SESTD1: variants seen among roughly 807,000 people sequenced by gnomAD.
SESTD1 encodes the protein SEC14 and spectrin domain containing 1.
In SESTD1, 43 loss-of-function variants were observed where a neutral mutation model predicts 101.7. That is an observed-to-expected ratio of 0.42 (90% CI 0.33 to 0.55). The LOEUF is 0.55. SESTD1 is among the 20% of genes least tolerant of loss of function. The pLI is 0.07. For synonymous variants in SESTD1, 283 were observed against 286.8 expected (o/e 0.99, Z 0.13); for missense variants, 647 against 815.1 (o/e 0.79, Z 2.51).
intron 1 of SESTD1, among the ~76,000 whole-genome samples, chr2:179,198,168 T>G (rs867048615): frequency 2.0e-5 from 3 of 152,120 alleles, no homozygotes; most frequent in Admixed American, 2.0e-4. Context: ...TCCTAGTCTC[T>G]GACAAAACAG....
At chr2:179,149,508 A>G in intron 6 of SESTD1, 114 bp from the exon 7 acceptor site, 1 of 652,680 alleles carries the variant, frequency 1.5e-6, no homozygotes, top group East Asian at 3.3e-5. Context: ...TTCCTTCCCC[A>G]GCAGTTCGTG....
At chr2:179,165,179 G>A (rs972644015) in intron 5 of SESTD1, among the ~76,000 whole-genome samples, 1 of 152,154 alleles carries the variant, frequency 6.6e-6, no homozygotes, top group Non-Finnish European at 1.5e-5. Context: ...CTTTTAATAA[G>A]TGCCTAGCGC....
At chr2:179,232,246 C>CA (rs11453861) in intron 1 of SESTD1, among the ~76,000 whole-genome samples, 66,958 of 151,380 alleles carry the variant, frequency 0.44, 17,386 homozygotes, top group African/African-American at 0.73. Context: ...ATACATTTTC[C>CA]AAAAAAAGAT....
chr2:179,119,282 G>A (rs1033373668), intron 13 of SESTD1, among the ~76,000 whole-genome samples: 12 of 152,172 alleles, frequency 7.9e-5, no homozygotes, highest in African/African-American at 2.9e-4. Flanking sequence ...GCAGAACCTG[G>A]ACATTTGATT....
intron 1 of SESTD1, among the ~76,000 whole-genome samples, chr2:179,229,974 T>C (rs1215045249): frequency 5.3e-5 from 8 of 150,598 alleles, no homozygotes; most frequent in Non-Finnish European, 1.0e-4. Flanking sequence ...TAGTCACACA[T>C]AGTTGTTGCA....
At chr2:179,217,393 TG>T (rs1176013121) in intron 1 of SESTD1, among the ~76,000 whole-genome samples, 1 of 152,234 alleles carries the variant, frequency 6.6e-6, no homozygotes, top group Non-Finnish European at 1.5e-5. Flanking sequence ...TCATCATCAC[TG>T]GCCATCAGAG....
chr2:179,177,444 C>T (rs547163260), intron 3 of SESTD1, among the ~76,000 whole-genome samples: 2 of 152,206 alleles, frequency 1.3e-5, no homozygotes, highest in East Asian at 3.9e-4. Context: ...CAGTTACATA[C>T]ATTATAGGGA....
intron 1 of SESTD1, among the ~76,000 whole-genome samples, chr2:179,230,818 A>G (rs1274756434): frequency 1.3e-5 from 2 of 152,100 alleles, no homozygotes; most frequent in East Asian, 1.9e-4. Context: ...CTGATTCTAC[A>G]TATTAAGAGA....
intron 9 of SESTD1, among the ~76,000 whole-genome samples, chr2:179,139,721 G>T (rs62177277): frequency 0.066 from 10,112 of 152,118 alleles, 371 homozygotes; most frequent in South Asian, 0.13. Context: ...ACAAGACACC[G>T]ACTCACCAAT....
rs561993782 is a variant in SESTD1 at position 179,200,993 on chromosome 2, G to A, written c.-25-9127C>T. ...CATCAGAGTGAACAGGCAACCTACA[G>A]AATGGGAGAAAATTTTCGCAACCTA... On this transcript the variant is annotated intron_variant, in intron 1 of 17. Coordinates refer to ENST00000428443, the MANE Select transcript of SESTD1 (RefSeq NM_178123.5). 3.4e-4 allele frequency among the ~76,000 whole-genome samples: 46 copies of A among 134,072 alleles called. 8 individuals carry two copies. The highest frequency in any genetic ancestry group is 4.5e-4 in the Non-Finnish European group (28 of 62,606). The allele number at this position is 134,072 out of a possible 152,430, so 88.0% of individuals were successfully genotyped here.
At chr2:179,116,574 C>T (rs772243314) in intron 15 of SESTD1, 94 bp downstream of exon 15, 1 of 1,587,152 alleles carries the variant, frequency 6.3e-7, no homozygotes, top group African/African-American at 1.3e-5. Flanking sequence ...CAAAACTAAC[C>T]TTCTTGTACT....
At position 179,104,349 on chromosome 2, in the gene SESTD1, G is replaced by GATAAC. The variant is rs1208844445; in HGVS notation, c.*5545_*5549dup. On this transcript the variant is annotated 3_prime_UTR_variant, in exon 18 of 18. Transcript: ENST00000428443. ...TCTGAGCAAATCTGTTGGCCATAAA[G>GATAAC]ATAACATAAGAGTTAAGATGAGAAA... 6.6e-6 allele frequency: 1 copy of GATAAC among 152,050 alleles called. No homozygotes were observed. The highest frequency in any genetic ancestry group is 1.5e-5 in the Non-Finnish European group (1 of 67,988). The allele number at this position is 152,050 out of a possible 1,614,324, so 9.4% of individuals were successfully genotyped here. A position where few individuals can be genotyped will look rare whatever the true frequency, so the allele number is the denominator to read the frequency against.
chr2:179,160,804 ACT>A (rs1491531494), intron 5 of SESTD1, among the ~76,000 whole-genome samples: 70 of 147,290 alleles, frequency 4.8e-4, no homozygotes, highest in African/African-American at 1.5e-3. Flanking sequence ...ATATCATTCT[ACT>A]TTTTTTTTGC....
intron 1 of SESTD1, among the ~76,000 whole-genome samples, chr2:179,228,128 C>T (rs1290004838): frequency 6.6e-6 from 1 of 152,140 alleles, no homozygotes; most frequent in African/African-American, 2.4e-5. Context: ...TGTATAGTCC[C>T]CAGACCCTCA....
rs543645296 is a variant in SESTD1, at chr2:179,251,811, T to C, written c.-26+12688A>G. Among the ~76,000 whole-genome samples, 7 of 152,264 alleles carry C rather than the reference T, an allele frequency of 4.6e-5. No homozygotes were observed. In the East Asian group the frequency reaches 7.7e-4, roughly 17 times the overall value. The stretch of plus-strand genomic sequence containing the variant: ...AAGACACAGCAAGAAGATGGTCAAC[T>C]ACAAACCAAGAAGCTGGCCCTCACC... On this transcript the variant is annotated intron_variant, in intron 1 of 17. Coordinates refer to ENST00000428443, the MANE Select transcript of SESTD1 (RefSeq NM_178123.5).
intron 10 of SESTD1, 114 bp downstream of exon 10, chr2:179,132,188 CTG>C (rs1192640068): frequency 1.1e-5 from 14 of 1,229,414 alleles, no homozygotes; most frequent in Middle Eastern, 2.3e-4. Flanking sequence ...ACTTAACAAA[CTG>C]TACTTCATGC....
chr2:179,215,475 C>T lies in SESTD1; in HGVS notation c.-25-23609G>A, dbSNP rs1424562918. On this transcript the variant is annotated intron_variant, in intron 1 of 17. Coordinates refer to ENST00000428443, the MANE Select transcript of SESTD1 (RefSeq NM_178123.5). ...AATCTCTGAATAGACCAATAACAGG[C>T]TCTGAAATTGAGGCAATAATTAATA... Among the ~76,000 whole-genome samples, 3 of 133,544 alleles carry T rather than the reference C, an allele frequency of 2.2e-5. 1 individual carries two copies. Among genetic ancestry groups the T allele is most frequent in the Admixed American group, 2.2e-4 (3 of 13,738 alleles). The allele number at this position is 133,544 out of a possible 152,430, so 87.6% of individuals were successfully genotyped here. A position where few individuals can be genotyped will look rare whatever the true frequency, so the allele number is the denominator to read the frequency against.
rs576151055 is a variant in SESTD1, at chr2:179,188,108, C to T, written c.55+3679G>A. ...AATAGACATCTACAGAACAGTCTAC[C>T]CATCAACCACAGAATATACATTCTT... On this transcript the variant is annotated intron_variant, in intron 2 of 17. Coordinates refer to ENST00000428443, the MANE Select transcript of SESTD1 (RefSeq NM_178123.5). 5.3e-4 allele frequency among the ~76,000 whole-genome samples: 81 copies of T among 152,190 alleles called. 2 individuals carry two copies. In the South Asian group the frequency reaches 0.016, roughly 31 times the overall value.
chr2:179,182,073 A>G (rs982176062), intron 3 of SESTD1, among the ~76,000 whole-genome samples: 7 of 152,160 alleles, frequency 4.6e-5, no homozygotes, highest in African/African-American at 1.7e-4. Flanking sequence ...CAGTTGTTTT[A>G]ACCCCATACT....
Sources: gnomAD v4.1 joint callset for allele counts (sites outside exome capture counted in the v4.1 genomes callset) on GRCh38, gnomAD v4.1.1 for gene constraint, MANE v1.5 for transcripts, NCBI Gene and HGNC (gene_info 2026-07-23, HGNC 2026-07-21) for gene names.